Variants in NHS observed in about 807,000 individuals in gnomAD.
The protein encoded by NHS is actin remodeling regulator NHS.
In NHS, 5 loss-of-function variants were observed where a neutral mutation model predicts 72.5. The ratio of observed to expected loss-of-function variants is 0.07; its 90% CI spans 0.04 to 0.14. The LOEUF is 0.14. Among genes scored for constraint, NHS ranks in the 10% least tolerant of loss-of-function variants. The pLI, the probability that NHS is intolerant of heterozygous loss-of-function variation, is 1.00. For missense variants in NHS, 1,072 were observed against 1,355.7 expected (o/e 0.79, Z 3.29); for synonymous variants, 464 against 547.7 (o/e 0.85, Z 2.13).
At chrX:17,383,551 G>A (rs894860963) in intron 1 of NHS, among the ~76,000 whole-genome samples, 2 of 112,276 alleles carry the variant, frequency 1.8e-5, no homozygotes, top group African/African-American at 6.5e-5. Flanking sequence ...AAGGAAAAGG[G>A]AAAGCAAGCA....
intron 1 of NHS, among the ~76,000 whole-genome samples, chrX:17,505,071 C>T (rs1601737434): frequency 2.7e-5 from 3 of 111,080 alleles, no homozygotes; most frequent in African/African-American, 9.8e-5. Flanking sequence ...CTATCTCATA[C>T]TACACACAAT....
intron 1 of NHS, among the ~76,000 whole-genome samples, chrX:17,412,786 G>A (rs1460884266): frequency 8.9e-6 from 1 of 112,448 alleles, no homozygotes; most frequent in South Asian, 3.7e-4. Context: ...TGAGTCAGAA[G>A]GTATCCATTA....
intron 3 of NHS, among the ~76,000 whole-genome samples, chrX:17,705,179 G>A (rs2066288816): frequency 1.8e-5 from 2 of 112,019 alleles, no homozygotes; most frequent in Admixed American, 9.4e-5. Context: ...TGTGTTGACC[G>A]AGCACATCTG....
chrX:17,458,006 G>C (rs894411916), intron 1 of NHS, among the ~76,000 whole-genome samples: 13 of 111,569 alleles, frequency 1.2e-4, no homozygotes, highest in African/African-American at 3.9e-4. Context: ...ATTCTATTGA[G>C]CCTCTACTAT....
Position 17,734,301 on chromosome X carries a change from C to T in NHS, c.*1837C>T, listed in dbSNP as rs1334410634. The T allele has an allele frequency of 8.9e-6, 1 of 112,215 alleles. No individual in the cohort carries two copies. The highest frequency in any genetic ancestry group is 9.5e-5 in the Admixed American group (1 of 10,579). The allele number at this position is 112,215 out of a possible 1,213,427, so 9.2% of individuals were successfully genotyped here. A position where few individuals can be genotyped will look rare whatever the true frequency, so the allele number is the denominator to read the frequency against. ...CCTGGTCTAAGAAGATACTGTCTTT[C>T]AATAGAAATGATTTCTAAACTGCTA... On this transcript the variant is annotated 3_prime_UTR_variant, in exon 9 of 9. Transcript: ENST00000676302.
At chrX:17,507,453 C>T (rs577241839) in intron 1 of NHS, among the ~76,000 whole-genome samples, 3 of 111,744 alleles carry the variant, frequency 2.7e-5, no homozygotes, top group African/African-American at 6.5e-5. Flanking sequence ...CATACCTCAC[C>T]CCACTGTAAT....
rs182870002 is a variant in NHS at position 17,384,945 on chromosome X, A to G, written c.565+8623A>G. Reference sequence around the variant, plus strand: ...GAACAAACAATCACAAAAATTCCTGAACGTTTTTCTTGCATCAAGAATTCT... The same window carrying G: ...GAACAAACAATCACAAAAATTCCTGGACGTTTTTCTTGCATCAAGAATTCT... On this transcript the variant is annotated intron_variant, in intron 1 of 8. Coordinates refer to ENST00000676302, the MANE Select transcript of NHS (RefSeq NM_001291867.2). Among the ~76,000 whole-genome samples, 755 of 112,121 alleles carry G rather than the reference A, an allele frequency of 6.7e-3. 2 individuals are homozygous for G. Among genetic ancestry groups the G allele is most frequent in the Middle Eastern group, 0.014 (3 of 219 alleles).
At chrX:17,610,937 G>A (rs2065708248) in intron 1 of NHS, among the ~76,000 whole-genome samples, 2 of 112,048 alleles carry the variant, frequency 1.8e-5, no homozygotes, top group African/African-American at 6.5e-5. Context: ...TATGATCCTT[G>A]GTGAAGTCTG....
intron 1 of NHS, among the ~76,000 whole-genome samples, chrX:17,678,551 T>C (rs1043565931): frequency 9.0e-5 from 10 of 110,807 alleles, no homozygotes; most frequent in Non-Finnish European, 3.8e-5. Context: ...TGCCACACAC[T>C]TTTAAAGAAC....
chrX:17,385,201 T>C (rs1386524019), intron 1 of NHS, among the ~76,000 whole-genome samples: 1 of 112,050 alleles, frequency 8.9e-6, no homozygotes, highest in Non-Finnish European at 1.9e-5. Context: ...TTAATGTACA[T>C]GAGGTTTGGC....
chrX:17,444,064 G>A (rs1246120986), intron 1 of NHS, among the ~76,000 whole-genome samples: 1 of 111,564 alleles, frequency 9.0e-6, no homozygotes, highest in African/African-American at 3.3e-5. Context: ...CTGACTTGGT[G>A]TTCCAGAAAC....
chrX:17,399,974 G>C (rs1299537675), intron 1 of NHS, among the ~76,000 whole-genome samples: 1 of 111,981 alleles, frequency 8.9e-6, no homozygotes, highest in African/African-American at 3.2e-5. Context: ...ACTTAACAGT[G>C]AAAGATTGAA....
chrX:17,665,607 G>T (rs989693545), intron 1 of NHS, among the ~76,000 whole-genome samples: 1 of 111,316 alleles, frequency 9.0e-6, no homozygotes, highest in Admixed American at 9.5e-5. Context: ...GATTACAGGC[G>T]TGAGTACCTA....
chrX:17,638,462 G>A lies in NHS; in HGVS notation c.566-49280G>A, dbSNP rs377176802. Among the ~76,000 whole-genome samples the A allele has an allele frequency of 4.0e-4, 45 of 112,024 alleles. 1 individual carries two copies. In the South Asian group the frequency reaches 0.017, roughly 42 times the overall value. On this transcript the variant is annotated intron_variant, in intron 1 of 8. Coordinates refer to ENST00000676302, the MANE Select transcript of NHS (RefSeq NM_001291867.2). ...AACTACAAATTTACCTCAGAGTATA[G>A]CTTTGGTAATTTCCATTGGTTTTTC...
At chrX:17,534,096 T>TTGTGTG (rs59352413) in intron 1 of NHS, among the ~76,000 whole-genome samples, 38,987 of 104,462 alleles carry the variant, frequency 0.37, 5,471 homozygotes, top group East Asian at 0.53. Context: ...TGAAAGGTCA[T>TTGTGTG]TGTGTGTGTG....
intron 1 of NHS, among the ~76,000 whole-genome samples, chrX:17,478,494 T>G (rs1049680864): frequency 8.9e-6 from 1 of 112,070 alleles, no homozygotes; most frequent in Non-Finnish European, 1.9e-5. Flanking sequence ...GATAGAGTTC[T>G]CGTTCTATGC....
chrX:17,524,257 T>A (rs2065163120), intron 1 of NHS, among the ~76,000 whole-genome samples: 1 of 112,247 alleles, frequency 8.9e-6, no homozygotes, highest in African/African-American at 3.2e-5. Flanking sequence ...TATATGTGAA[T>A]TTTTTTGCTG....
chrX:17,404,986 A>G (rs1464132312), intron 1 of NHS, among the ~76,000 whole-genome samples: 1 of 111,879 alleles, frequency 8.9e-6, no homozygotes, highest in Non-Finnish European at 1.9e-5. Flanking sequence ...AAAGAACCCC[A>G]AAAGTCTCAG....
chrX:17,644,664 T>C (rs1469428292), intron 1 of NHS, among the ~76,000 whole-genome samples: 2 of 111,545 alleles, frequency 1.8e-5, no homozygotes, highest in African/African-American at 6.5e-5. Context: ...AAGTCAGGCA[T>C]GGCTCCAAAC....
Sources: gnomAD v4.1 joint callset for allele counts (sites outside exome capture counted in the v4.1 genomes callset) on GRCh38, gnomAD v4.1.1 for gene constraint, MANE v1.5 for transcripts, NCBI Gene and HGNC (gene_info 2026-07-23, HGNC 2026-07-21) for gene names.